ABTB3: variants seen among roughly 807,000 people sequenced by gnomAD.
ABTB3 encodes ankyrin repeat and BTB domain containing 3.
chr12:107,638,231 G>A, the ABTB3 span, among the ~76,000 whole-genome samples: 1 of 152,142 alleles, frequency 6.6e-6, no homozygotes, highest in Non-Finnish European at 1.5e-5. Flanking sequence ...ACAGAGAAAG[G>A]TGAGTGGAGG....
the ABTB3 span, among the ~76,000 whole-genome samples, chr12:107,418,896 C>T: frequency 2.6e-5 from 4 of 152,164 alleles, no homozygotes; most frequent in African/African-American, 9.7e-5. Flanking sequence ...TGAGGGCTCC[C>T]TGTCCTCAGT....
the ABTB3 span, among the ~76,000 whole-genome samples, chr12:107,540,478 T>C: frequency 1.3e-5 from 2 of 152,022 alleles, no homozygotes; most frequent in East Asian, 1.9e-4. Flanking sequence ...CCAGAAATAA[T>C]GCATTACCGG....
chr12:107,360,205 T>C, the ABTB3 span, among the ~76,000 whole-genome samples: 3 of 152,182 alleles, frequency 2.0e-5, no homozygotes, highest in Non-Finnish European at 4.4e-5. Context: ...AATGAAAGGC[T>C]TCCCAGGGGA....
At chr12:107,320,168 C>T in the ABTB3 span, 34 of 1,337,048 alleles carry the variant, frequency 2.5e-5, no homozygotes, top group African/African-American at 4.4e-4. Context: ...GTCTTCCCAG[C>T]CACGCGCTGC....
the ABTB3 span, among the ~76,000 whole-genome samples, chr12:107,351,232 G>C: frequency 6.6e-6 from 1 of 152,166 alleles, no homozygotes; most frequent in Non-Finnish European, 1.5e-5. Context: ...TGGTATCCGG[G>C]TGGCCATTTT....
chr12:107,601,038 A>G, the ABTB3 span, among the ~76,000 whole-genome samples: 1 of 152,242 alleles, frequency 6.6e-6, no homozygotes, highest in Non-Finnish European at 1.5e-5. Context: ...AATCATAGCA[A>G]TGAATTACGC....
the ABTB3 span, among the ~76,000 whole-genome samples, chr12:107,552,979 A>G: frequency 6.6e-6 from 1 of 152,232 alleles, no homozygotes; most frequent in Non-Finnish European, 1.5e-5. Context: ...CCAGAGAGCC[A>G]TGTTGCCGAA....
the ABTB3 span, among the ~76,000 whole-genome samples, chr12:107,622,108 C>T: frequency 1.3e-5 from 2 of 152,170 alleles, no homozygotes; most frequent in East Asian, 1.9e-4. Context: ...TGGGCGTGGT[C>T]GTGTCTCAAG....
At chr12:107,649,432 C>T in the ABTB3 span, 14 of 681,092 alleles carry the variant, frequency 2.1e-5, no homozygotes, top group Non-Finnish European at 3.4e-5. Flanking sequence ...CCTGACTCCT[C>T]AGTCCTCCCA....
the ABTB3 span, among the ~76,000 whole-genome samples, chr12:107,655,620 C>A: frequency 2.0e-5 from 3 of 152,358 alleles, no homozygotes; most frequent in East Asian, 1.9e-4. Context: ...CTAAGAGCCA[C>A]GTTCCAAATG....
At chr12:107,609,994 G>A in the ABTB3 span, 2 of 628,238 alleles carry the variant, frequency 3.2e-6, no homozygotes, top group Admixed American at 2.8e-5. Flanking sequence ...GCACACAGGA[G>A]ACTAGACAGA....
At chr12:107,401,786 T>C in the ABTB3 span, among the ~76,000 whole-genome samples, 1 of 152,066 alleles carries the variant, frequency 6.6e-6, no homozygotes, top group Non-Finnish European at 1.5e-5. Flanking sequence ...GCTTTATACA[T>C]AAGAAAATAA....
chr12:107,403,966 C>A, the ABTB3 span, among the ~76,000 whole-genome samples: 5 of 151,898 alleles, frequency 3.3e-5, no homozygotes, highest in Non-Finnish European at 5.9e-5. Flanking sequence ...AGTTCGAGAC[C>A]AGCCTGGTCA....
chr12:107,344,273 C>T, the ABTB3 span, among the ~76,000 whole-genome samples: 4 of 152,150 alleles, frequency 2.6e-5, no homozygotes, highest in African/African-American at 9.7e-5. Context: ...ACTTAGTCCC[C>T]CAGCACCCAT....
chr12:107,370,793 T>G, the ABTB3 span, among the ~76,000 whole-genome samples: 2 of 148,094 alleles, frequency 1.4e-5, no homozygotes, highest in African/African-American at 5.0e-5. Context: ...TTTACAGTTT[T>G]GTGACTTAAG....
At chr12:107,511,432 T>G in the ABTB3 span, among the ~76,000 whole-genome samples, 2 of 152,208 alleles carry the variant, frequency 1.3e-5, no homozygotes, top group African/African-American at 4.8e-5. Context: ...CATATGAGTC[T>G]GTGGTGAATT....
chr12:107,328,723 A>T, the ABTB3 span, among the ~76,000 whole-genome samples: 1 of 152,204 alleles, frequency 6.6e-6, no homozygotes, highest in African/African-American at 2.4e-5. Flanking sequence ...TGCCACAGCT[A>T]CAAAGTGGTT....
the ABTB3 span, chr12:107,615,174 T>C: frequency 6.3e-7 from 1 of 1,599,058 alleles, no homozygotes; most frequent in East Asian, 2.2e-5. Flanking sequence ...TATTAACGTA[T>C]TTCCCTATCC....
At chr12:107,415,394 C>A in the ABTB3 span, among the ~76,000 whole-genome samples, 57 of 152,196 alleles carry the variant, frequency 3.7e-4, no homozygotes, top group African/African-American at 1.0e-3. Flanking sequence ...GGAAGAGCTG[C>A]GTTAACTACT....
Sources: allele counts gnomAD v4.1 joint callset (sites outside exome capture counted in the v4.1 genomes callset), GRCh38; gene constraint gnomAD v4.1.1; transcripts MANE v1.5; gene names NCBI Gene and HGNC (gene_info 2026-07-23, HGNC 2026-07-21).